The following OR2T12 variants were observed in gnomAD, a reference collection of about 807,000 sequenced individuals.
OR2T12 encodes olfactory receptor family 2 subfamily T member 12.
For missense variants in OR2T12, 335 were observed against 404.3 expected (o/e 0.83, Z 1.47); for synonymous variants, 127 against 160.5 (o/e 0.79, Z 1.58).
At position 248,294,800 on chromosome 1, in the gene OR2T12, G is replaced by A. The variant is rs1165000181; in HGVS notation, c.779C>T (p.Pro260Leu). Residue 260 changes from proline (P) to leucine (L), a missense_variant, in exon 3 of 3, where the codon CCC becomes CTC. Transcript: ENST00000641276. ...GTGGTTAGTGGACCTGTGGGATTTG[G>A]GTCTCATATAGGTAAAAATGCCAGC... is the stretch of plus-strand genomic sequence containing the variant. ...YGAGIFTYMR[P>L]KSHRSTNHDK... is the part of the protein sequence containing the mutation. The A allele has an allele frequency of 6.2e-7, 1 of 1,613,664 alleles. No homozygotes were observed. The highest frequency in any genetic ancestry group is 2.2e-5 in the East Asian group (1 of 44,872).
chr1:248,301,142 A>C (rs945781967), intron 2 of OR2T12, among the ~76,000 whole-genome samples: 16 of 152,204 alleles, frequency 1.1e-4, no homozygotes, highest in Non-Finnish European at 1.9e-4. Context: ...AATTGACTTC[A>C]TTGATTTCAT....
At chr1:248,296,681 C>G (rs950178247) in intron 2 of OR2T12, among the ~76,000 whole-genome samples, 4 of 152,026 alleles carry the variant, frequency 2.6e-5, no homozygotes, top group Non-Finnish European at 5.9e-5. Flanking sequence ...TCATGTCCTT[C>G]GCCCACTTTT....
chr1:248,294,541 A>C lies in OR2T12; in HGVS notation c.*75T>G. 1.3e-6 allele frequency: 2 copies of C among 1,504,530 alleles called. No homozygotes were observed. The highest frequency in any genetic ancestry group is 1.8e-6 in the Non-Finnish European group (2 of 1,120,732). The allele number at this position is 1,504,530 out of a possible 1,614,324, so 93.2% of individuals were successfully genotyped here. A position where few individuals can be genotyped will look rare whatever the true frequency, so the allele number is the denominator to read the frequency against. ...ACACAAACTTAATTTTCTCTTCATG[A>C]ATTACTAAAGGGAGAGAATTACATA... On this transcript the variant is annotated 3_prime_UTR_variant, in exon 3 of 3. Transcript: ENST00000641276.
In OR2T12 at chr1:248,299,021, A is replaced by T. The variant is rs1430100455; in HGVS notation, c.-9+2352T>A. Among the ~76,000 whole-genome samples, 7 of 152,306 alleles carry T rather than the reference A, an allele frequency of 4.6e-5. No individual in the cohort carries two copies. In the East Asian group the frequency reaches 1.4e-3, roughly 29 times the overall value. On this transcript the variant is annotated intron_variant, in intron 2 of 2. Transcript: ENST00000641276. ...GTCACCACCAGGCCTGCCCTAAAAG[A>T]GCTCCTGAAGGAAGCACTAAACATG... is the stretch of plus-strand genomic sequence containing the variant.
At chr1:248,301,164 G>T (rs572944199) in intron 2 of OR2T12, among the ~76,000 whole-genome samples, 1 of 152,112 alleles carries the variant, frequency 6.6e-6, no homozygotes, top group South Asian at 2.1e-4. Flanking sequence ...CTGTCACAGA[G>T]AATGTGGCAA....
At chr1:248,295,991 C>T (rs1246757382) in intron 2 of OR2T12, among the ~76,000 whole-genome samples, 1 of 151,488 alleles carries the variant, frequency 6.6e-6, no homozygotes, top group Non-Finnish European at 1.5e-5. Context: ...TCTCCCAGTG[C>T]TATCCCTCCC....
In OR2T12 at chr1:248,295,338, C is replaced by T. The variant is rs1451612153; in HGVS notation, c.241G>A (p.Ala81Thr). 1 of 1,608,472 alleles carries T rather than the reference C, an allele frequency of 6.2e-7. No individual in the cohort carries two copies. The highest frequency in any genetic ancestry group is 2.2e-5 in the East Asian group (1 of 44,732). The change falls in exon 3 of 3, where the codon GCT (alanine) becomes ACT (threonine). Residue 81 changes from alanine to threonine, a missense_variant. Transcript: ENST00000641276. ...LVSTTVPKMAADYLTGNKAIS... is the reference protein window; with the variant it reads ...LVSTTVPKMATDYLTGNKAIS... ...GCCTTATTTCCGGTCAAGTAGTCAG[C>T]CGCCATTTTGGGCACAGTGGTGGAA...
rs1360977039 is a variant in OR2T12 at position 248,290,439 on chromosome 1, C to T, written c.*4177G>A. 2 of 152,188 alleles carry T rather than the reference C, an allele frequency of 1.3e-5. No homozygotes were observed. Among genetic ancestry groups the T allele is most frequent in the African/African-American group, 4.8e-5 (2 of 41,450 alleles). The allele number at this position is 152,188 out of a possible 1,614,324, so 9.4% of individuals were successfully genotyped here. A position where few individuals can be genotyped will look rare whatever the true frequency, so the allele number is the denominator to read the frequency against. On this transcript the variant is annotated 3_prime_UTR_variant, in exon 3 of 3. Transcript: ENST00000641276. ...TAGTATTTGTGGTGTATATGTGCCA[C>T]AGCTACTTTAGCCAGTCTATCATTG...
intron 1 of OR2T12, among the ~76,000 whole-genome samples, chr1:248,302,009 GA>G (rs1161917712): frequency 1.3e-5 from 2 of 151,154 alleles, no homozygotes; most frequent in African/African-American, 4.9e-5. Context: ...TGAGATGATG[GA>G]AAGGAGACAT....
In OR2T12 at chr1:248,295,081, A is replaced by T; in HGVS notation, c.498T>A (p.Tyr166Ter). Reference sequence around the variant, plus strand: ...AGTGATCGATCTCGTGTGCACCGCAATATGGGAAGCTCAGGGTAGCAACAG... The same window carrying T: ...AGTGATCGATCTCGTGTGCACCGCATTATGGGAAGCTCAGGGTAGCAACAG... ...LQAVATLSFP[Y>*]CGAHEIDHFF... The change falls in exon 3 of 3, where the codon TAT becomes TAA. Residue 166 changes from tyrosine (Y) to a stop codon, truncating the protein, a stop_gained. Transcript: ENST00000641276. LOFTEE classifies it low-confidence loss of function (END_TRUNC). 6.2e-7 allele frequency: 1 copy of T among 1,608,922 alleles called. No homozygotes were observed. The highest frequency in any genetic ancestry group is 1.1e-5 in the South Asian group (1 of 90,876).
At position 248,291,061 on chromosome 1, in the gene OR2T12, T is replaced by G. The variant is rs2103036232; in HGVS notation, c.*3555A>C. 1 of 151,916 alleles carries G rather than the reference T, an allele frequency of 6.6e-6. No homozygotes were observed. Among genetic ancestry groups the G allele is most frequent in the Non-Finnish European group, 1.5e-5 (1 of 67,966 alleles). 9.4% of individuals were successfully genotyped at this position (151,916 alleles called of 1,614,324 possible). Reference sequence around the variant, plus strand: ...CCTTGTAGATTCTTGATATTAGCCATTTGTCAGATGGATAGATTGCAAAAA... The same window carrying G: ...CCTTGTAGATTCTTGATATTAGCCAGTTGTCAGATGGATAGATTGCAAAAA... On this transcript the variant is annotated 3_prime_UTR_variant, in exon 3 of 3. Transcript: ENST00000641276.
rs1207679046 is a variant in OR2T12, at chr1:248,292,403, C to T, written c.*2213G>A. On this transcript the variant is annotated 3_prime_UTR_variant, in exon 3 of 3. Transcript: ENST00000641276. ...CTTTAACTTTAGAGATTCATAAGAA[C>T]CATATCTTCTCATTTTCAAACACAC... is the stretch of plus-strand genomic sequence containing the variant. 1 of 152,026 alleles carries T rather than the reference C, an allele frequency of 6.6e-6. No homozygotes were observed. Among genetic ancestry groups the T allele is most frequent in the Admixed American group, 6.6e-5 (1 of 15,260 alleles). 9.4% of individuals were successfully genotyped at this position (152,026 alleles called of 1,614,324 possible).
Position 248,295,456 on chromosome 1 carries a change from G to A in OR2T12, c.123C>T (p.Ala41=), listed in dbSNP as rs1367150255. Residue 41 remains alanine (A), a synonymous_variant, in exon 3 of 3, where the codon GCC becomes GCT. Coordinates refer to ENST00000641276, the MANE Select transcript of OR2T12 (RefSeq NM_001004692.2). The stretch of plus-strand genomic sequence containing the variant: ...CCCAGTGAATCAGGAGAATCATGAG[G>A]GCATTGCTAAACAGGGAGGTCAAAA... The part of the protein sequence containing the change: ...ATVLTSLFSN[A]LMILLIHWDH... 1 of 1,612,540 alleles carries A rather than the reference G, an allele frequency of 6.2e-7. No homozygotes were observed. Among genetic ancestry groups the A allele is most frequent in the Non-Finnish European group, 8.5e-7 (1 of 1,179,644 alleles).
In OR2T12 at chr1:248,293,154, G is replaced by C. The variant is rs1436875850; in HGVS notation, c.*1462C>G. ...ACTGAATAGCCTTCTCTTAAGACAT[G>C]GGCTCAGGATCTGCATGCAGTGGTT... On this transcript the variant is annotated 3_prime_UTR_variant, in exon 3 of 3. Coordinates refer to ENST00000641276, the MANE Select transcript of OR2T12 (RefSeq NM_001004692.2). 1.3e-5 allele frequency: 2 copies of C among 152,020 alleles called. No individual in the cohort carries two copies. Among genetic ancestry groups the C allele is most frequent in the Non-Finnish European group, 2.9e-5 (2 of 67,958 alleles). The allele number at this position is 152,020 out of a possible 1,614,324, so 9.4% of individuals were successfully genotyped here.
At chr1:248,297,898 G>A (rs1473519403) in intron 2 of OR2T12, among the ~76,000 whole-genome samples, 2 of 150,106 alleles carry the variant, frequency 1.3e-5, no homozygotes, top group African/African-American at 2.5e-5. Context: ...TTGAATAGGA[G>A]TGGTGAGAGA....
chr1:248,298,582 G>C (rs1451050932), intron 2 of OR2T12, among the ~76,000 whole-genome samples: 2 of 151,338 alleles, frequency 1.3e-5, no homozygotes, highest in Admixed American at 1.3e-4. Context: ...AGTCTTGGGA[G>C]GGTGTATGTG....
At position 248,293,186 on chromosome 1, in the gene OR2T12, C is replaced by T. The variant is rs1572828929; in HGVS notation, c.*1430G>A. On this transcript the variant is annotated 3_prime_UTR_variant, in exon 3 of 3. Transcript: ENST00000641276. ...GGATCTGCATGCAGTGGTTAAGGTACTATCTTAACTATATTACTGCTTTGG... is the reference window on the plus strand; with the variant it reads ...GGATCTGCATGCAGTGGTTAAGGTATTATCTTAACTATATTACTGCTTTGG... The T allele has an allele frequency of 6.6e-6, 1 of 152,090 alleles. No individual in the cohort carries two copies. The highest frequency in any genetic ancestry group is 1.9e-4 in the East Asian group (1 of 5,190). The allele number at this position is 152,090 out of a possible 1,614,324, so 9.4% of individuals were successfully genotyped here.
At chr1:248,298,319 G>C (rs1398360892) in intron 2 of OR2T12, among the ~76,000 whole-genome samples, 1 of 151,942 alleles carries the variant, frequency 6.6e-6, no homozygotes, top group Non-Finnish European at 1.5e-5. Context: ...TCTCTTTTTT[G>C]GTTGTGTCTC....
In OR2T12 at chr1:248,292,296, T is replaced by C. The variant is rs1380325562; in HGVS notation, c.*2320A>G. 1.3e-5 allele frequency: 2 copies of C among 152,126 alleles called. No homozygotes were observed. The highest frequency in any genetic ancestry group is 4.8e-5 in the African/African-American group (2 of 41,448). 9.4% of individuals were successfully genotyped at this position (152,126 alleles called of 1,614,324 possible). A position where few individuals can be genotyped will look rare whatever the true frequency, so the allele number is the denominator to read the frequency against. ...TGTGTTACTGGGTGCTAGAGCTTCATATGTTCGAAGTAACTCCTCATTCAA... is the reference window on the plus strand; with the variant it reads ...TGTGTTACTGGGTGCTAGAGCTTCACATGTTCGAAGTAACTCCTCATTCAA... On this transcript the variant is annotated 3_prime_UTR_variant, in exon 3 of 3. Transcript: ENST00000641276.
Sources: gnomAD v4.1 joint callset for allele counts (sites outside exome capture counted in the v4.1 genomes callset) on GRCh38, gnomAD v4.1.1 for gene constraint, MANE v1.5 for transcripts, NCBI Gene and HGNC (gene_info 2026-07-23, HGNC 2026-07-21) for gene names.